The following ST7 variants were observed in gnomAD, a reference collection of about 807,000 sequenced individuals.
ST7 encodes suppressor of tumorigenicity 7 protein.
Under a neutral mutation model 78.7 loss-of-function variants are expected in ST7, and 28 were observed. The observed-to-expected ratio is 0.36, with a 90% CI of 0.26 to 0.49. The LOEUF is 0.49. ST7 is among the 20% of genes least tolerant of loss of function. The probability of loss-of-function intolerance (pLI) is 0.99; values close to 1 mark genes in which losing one functional copy is unlikely to be tolerated. For synonymous variants in ST7, 247 were observed against 249.6 expected, an observed-to-expected ratio of 0.99 and a Z score of 0.10; for missense variants, 418 against 696.0, an observed-to-expected ratio of 0.60 and a Z score of 4.49.
chr7:117,158,527 G>A (rs943789232), intron 9 of ST7, among the ~76,000 whole-genome samples: 10 of 152,176 alleles, frequency 6.6e-5, no homozygotes, highest in African/African-American at 1.2e-4. Flanking sequence ...TACTTAATGC[G>A]CTCAGTTCAG....
chr7:117,156,571 G>T (rs922835018), intron 9 of ST7, among the ~76,000 whole-genome samples: 1 of 152,130 alleles, frequency 6.6e-6, no homozygotes, highest in Non-Finnish European at 1.5e-5. Context: ...AAGCCATGAT[G>T]TTGAATAGGA....
intron 3 of ST7, among the ~76,000 whole-genome samples, chr7:117,125,359 A>G (rs1803749537): frequency 6.6e-6 from 1 of 152,134 alleles, no homozygotes; most frequent in African/African-American, 2.4e-5. Flanking sequence ...AAAGTGGTAC[A>G]TTATCTTGAA....
intron 2 of ST7, among the ~76,000 whole-genome samples, chr7:117,110,740 G>A (rs975534587): frequency 2.0e-5 from 3 of 152,194 alleles, no homozygotes; most frequent in African/African-American, 7.2e-5. Context: ...ACTCTGGTGA[G>A]CTAGGCCTAA....
At chr7:117,212,698 C>A (rs1359418698) in intron 13 of ST7, among the ~76,000 whole-genome samples, 1 of 152,042 alleles carries the variant, frequency 6.6e-6, no homozygotes, top group Non-Finnish European at 1.5e-5. Context: ...TAAGTAATTT[C>A]TTTTTTCTTC....
At chr7:116,997,398 G>C (rs965265018) in intron 1 of ST7, among the ~76,000 whole-genome samples, 2 of 152,282 alleles carry the variant, frequency 1.3e-5, no homozygotes, top group Non-Finnish European at 1.5e-5. Flanking sequence ...TGATTGGTCT[G>C]TTTTGACAGG....
intron 10 of ST7, among the ~76,000 whole-genome samples, chr7:117,182,257 T>A (rs942360002): frequency 3.3e-5 from 5 of 152,168 alleles, no homozygotes; most frequent in Non-Finnish European, 2.9e-5. Flanking sequence ...GCTCTGAGGA[T>A]TAAATAGGAT....
rs1357359947 is a variant in ST7 at position 116,973,046 on chromosome 7, A to G, written c.151+19355A>G. The stretch of plus-strand genomic sequence containing the variant: ...TAGCAGTATGGATTCATGGATATTT[A>G]TTTTATACAGGTTATAATCCAATAC... On this transcript the variant is annotated intron_variant, in intron 1 of 15. Transcript: ENST00000323984. 6.0e-6 allele frequency: 4 copies of G among 662,366 alleles called. No homozygotes were observed. In the African/African-American group the frequency reaches 7.1e-5, roughly 12 times the overall value. The allele number at this position is 662,366 out of a possible 1,614,324, so 41.0% of individuals were successfully genotyped here.
chr7:117,207,667 C>A (rs1375737159), intron 12 of ST7, among the ~76,000 whole-genome samples: 1 of 152,138 alleles, frequency 6.6e-6, no homozygotes, highest in Non-Finnish European at 1.5e-5. Flanking sequence ...TTCTGTATAC[C>A]TGGGACACAT....
intron 10 of ST7, among the ~76,000 whole-genome samples, chr7:117,171,444 A>C (rs981215193): frequency 1.3e-5 from 2 of 152,136 alleles, no homozygotes; most frequent in African/African-American, 4.8e-5. Context: ...AATTCAGTAA[A>C]TATTGGAAGA....
chr7:117,106,144 G>A (rs1349844310), intron 2 of ST7, among the ~76,000 whole-genome samples: 1 of 152,034 alleles, frequency 6.6e-6, no homozygotes, highest in East Asian at 1.9e-4. Flanking sequence ...GACTACAGGC[G>A]CCTGCCACCG....
chr7:117,118,367 G>A (rs914799219), intron 2 of ST7: 6 of 152,156 alleles, frequency 3.9e-5, no homozygotes, highest in African/African-American at 1.4e-4. Flanking sequence ...TTAAATCAAG[G>A]TGTCCTGTTA....
rs1172079965 is a variant in ST7 at position 117,130,523 on chromosome 7, C to G, written c.482C>G (p.Thr161Ser). The G allele has an allele frequency of 6.2e-7, 1 of 1,611,416 alleles. No homozygotes were observed. Among genetic ancestry groups the G allele is most frequent in the Non-Finnish European group, 8.5e-7 (1 of 1,178,356 alleles). The change falls in exon 5 of 16, where the codon ACT (threonine) becomes AGT (serine). Residue 161 changes from threonine to serine, a missense_variant. Physicochemically the swap from Thr to Ser is moderately conservative, Grantham distance 58 (BLOSUM62 1). Around this residue, in one of 4 missense-constraint regions of ST7, gnomAD observed 288 missense variants for 537.1 expected, o/e 0.54. Transcript: ENST00000323984. ...TGGGTGACAGGACGAGAGCCTCTTA[C>G]TTACTATGACATGAATCTCTCTGCC... is the stretch of plus-strand genomic sequence containing the variant. ...YTWVTGREPL[T>S]YYDMNLSAQD...
intron 12 of ST7, among the ~76,000 whole-genome samples, chr7:117,194,442 GTTC>G (rs1167490170): frequency 2.0e-5 from 3 of 152,134 alleles, no homozygotes; most frequent in South Asian, 2.1e-4. Context: ...TAGGAAGCTT[GTTC>G]TTCTTCATCA....
intron 1 of ST7, among the ~76,000 whole-genome samples, chr7:116,986,556 T>G (rs1794199705): frequency 6.6e-6 from 1 of 152,222 alleles, no homozygotes; most frequent in Non-Finnish European, 1.5e-5. Context: ...TTTCTTTTAT[T>G]ATTTAAAAAA....
At chr7:117,158,103 CAG>C (rs565826449) in intron 9 of ST7, among the ~76,000 whole-genome samples, 59 of 152,232 alleles carry the variant, frequency 3.9e-4, no homozygotes, top group African/African-American at 1.3e-3. Context: ...ATAGATAAAA[CAG>C]TGGTGCTGTC....
At chr7:117,127,575 A>G (rs1300873019) in intron 3 of ST7, among the ~76,000 whole-genome samples, 1 of 151,968 alleles carries the variant, frequency 6.6e-6, no homozygotes, top group Non-Finnish European at 1.5e-5. Flanking sequence ...CTTCTTCATT[A>G]CATGTTTTAT....
intron 1 of ST7, among the ~76,000 whole-genome samples, chr7:117,046,030 C>T (rs569965162): frequency 6.6e-5 from 10 of 152,232 alleles, no homozygotes; most frequent in Middle Eastern, 3.4e-3. Flanking sequence ...TACAACAATC[C>T]CATGAGGAAT....
intron 2 of ST7, among the ~76,000 whole-genome samples, chr7:117,114,928 TGG>T (rs1802739056): frequency 6.6e-6 from 1 of 152,212 alleles, no homozygotes; most frequent in African/African-American, 2.4e-5. Flanking sequence ...GCTGGAAACC[TGG>T]GTCTCTGCCC....
intron 1 of ST7, among the ~76,000 whole-genome samples, chr7:117,025,193 CTGT>C (rs1225081357): frequency 6.6e-6 from 1 of 152,042 alleles, no homozygotes; most frequent in Admixed American, 6.6e-5. Flanking sequence ...AAACTTGGGC[CTGT>C]TGTTTTGGTG....
Sources: gnomAD v4.1 joint callset for allele counts (sites outside exome capture counted in the v4.1 genomes callset) on GRCh38, gnomAD v4.1.1 for gene constraint, gnomAD v4.1.1 regional missense constraint, MANE v1.5 for transcripts, NCBI Gene and HGNC (gene_info 2026-07-23, HGNC 2026-07-21) for gene names.